Variants in TMOD1 observed in about 807,000 individuals in gnomAD.
TMOD1 encodes tropomodulin-1.
In TMOD1, 17 loss-of-function variants were observed where a neutral mutation model predicts 40.6. That is an observed-to-expected ratio of 0.42 (90% CI 0.29 to 0.63). The LOEUF is 0.63. Ranked by LOEUF, TMOD1 falls within the 20% of genes least tolerant of loss-of-function variation. TMOD1 has a pLI of 0.22. For missense variants in TMOD1, 391 were observed against 447.6 expected (o/e 0.87, Z 1.14); for synonymous variants, 181 against 175.0 (o/e 1.03, Z -0.27).
At chr9:97,504,691 G>T (rs1829563883) in intron 1 of TMOD1, among the ~76,000 whole-genome samples, 1 of 152,128 alleles carries the variant, frequency 6.6e-6, no homozygotes. Context: ...GATGGTGATG[G>T]GCTGTGAAGA....
Position 97,526,899 on chromosome 9 carries a change from T to C in TMOD1, c.120+2591T>C, listed in dbSNP as rs16921514. Reference sequence around the variant, plus strand: ...ACCCAGGTGTGATTAAGTGGCTTCATTCCAGATAACTCAGAATCCTTGCCT... The same window carrying C: ...ACCCAGGTGTGATTAAGTGGCTTCACTCCAGATAACTCAGAATCCTTGCCT... On this transcript the variant is annotated intron_variant, in intron 2 of 9. Coordinates refer to ENST00000259365, the MANE Select transcript of TMOD1 (RefSeq NM_003275.4). Among the ~76,000 whole-genome samples the C allele has an allele frequency of 9.2e-3, 1,399 of 152,290 alleles. 35 individuals are homozygous for C. The highest frequency in any genetic ancestry group is 0.032 in the African/African-American group (1,344 of 41,564).
intron 7 of TMOD1, among the ~76,000 whole-genome samples, chr9:97,567,767 G>A (rs1830754101): frequency 6.6e-6 from 1 of 152,132 alleles, no homozygotes; most frequent in African/African-American, 2.4e-5. Flanking sequence ...GCACACTGAA[G>A]TGAAGGGCAC....
At chr9:97,540,293 G>T (rs927135360) in intron 2 of TMOD1, among the ~76,000 whole-genome samples, 5 of 152,188 alleles carry the variant, frequency 3.3e-5, no homozygotes, top group African/African-American at 1.2e-4. Flanking sequence ...TTAGTTTCTG[G>T]TAAAGACTTT....
chr9:97,501,849 C>T (rs1829506920), intron 1 of TMOD1, 46 bp downstream of exon 1: 1 of 152,638 alleles, frequency 6.6e-6, no homozygotes, highest in Non-Finnish European at 1.5e-5. Flanking sequence ...TCGCGGGGCT[C>T]CCTGCCCCCG....
intron 2 of TMOD1, among the ~76,000 whole-genome samples, chr9:97,535,149 G>T (rs1830161175): frequency 6.6e-6 from 1 of 152,298 alleles, no homozygotes; most frequent in Non-Finnish European, 1.5e-5. Context: ...AGGGAAGTTG[G>T]TGAGCATCTC....
At chr9:97,565,743 C>A in intron 6 of TMOD1, 105 bp from the exon 7 acceptor site, 1 of 900,910 alleles carries the variant, frequency 1.1e-6, no homozygotes, top group Non-Finnish European at 1.7e-6. Context: ...AGCTTTTTGG[C>A]CAGAGACTTG....
At position 97,546,249 on chromosome 9, in the gene TMOD1, T is replaced by C. The variant is rs772332030; in HGVS notation, c.185T>C (p.Phe62Ser). The C allele has an allele frequency of 2.5e-6, 4 of 1,613,958 alleles. No individual in the cohort carries two copies. The Admixed American group carries it at 6.7e-5, about 27-fold the overall frequency. ...ACCACCAAGGCGCCCACGGGCCCCT[T>C]TAAAAGAGAGGAGCTCTTGGATCAC... ...DQTTKAPTGP[F>S]KREELLDHLE... The change falls in exon 3 of 10, where the codon TTT (phenylalanine) becomes TCT (serine). Residue 62 changes from phenylalanine (F) to serine (S), a missense_variant. Transcript: ENST00000259365.
Position 97,592,756 on chromosome 9 carries a change from G to A in TMOD1, c.1015+1321G>A, listed in dbSNP as rs541034616. On this transcript the variant is annotated intron_variant, in intron 9 of 9. Transcript: ENST00000259365. ...TACACACACACACACACTTTAGATCGAGTTATTAAATTCCACAAACATATA... is the reference window on the plus strand; with the variant it reads ...TACACACACACACACACTTTAGATCAAGTTATTAAATTCCACAAACATATA... Among the ~76,000 whole-genome samples the A allele has an allele frequency of 3.9e-5, 6 of 152,252 alleles. No individual in the cohort carries two copies. In the East Asian group the frequency reaches 1.2e-3, roughly 29 times the overall value.
At chr9:97,503,823 C>A (rs1176897037) in intron 1 of TMOD1, among the ~76,000 whole-genome samples, 1 of 152,176 alleles carries the variant, frequency 6.6e-6, no homozygotes, top group African/African-American at 2.4e-5. Context: ...CTCAGAGGAA[C>A]CTTGAGCAAT....
chr9:97,570,161 T>C (rs2131271102), intron 8 of TMOD1, among the ~76,000 whole-genome samples: 1 of 152,320 alleles, frequency 6.6e-6, no homozygotes, highest in East Asian at 1.9e-4. Flanking sequence ...ATAACAGGCA[T>C]GTAACCCCTG....
At chr9:97,550,196 A>G (rs1159452494) in intron 3 of TMOD1, among the ~76,000 whole-genome samples, 3 of 152,204 alleles carry the variant, frequency 2.0e-5, no homozygotes, top group Non-Finnish European at 4.4e-5. Flanking sequence ...AGACTCATCC[A>G]TGTTGTAGCA....
Position 97,573,418 on chromosome 9 carries a change from G to C in TMOD1, c.870+4381G>C, listed in dbSNP as rs533970777. ...GAAGAGAAGTTAAAGTAGATGGATTGTGCTGTCTTGTTTTCCCAGATTGGA... is the reference window on the plus strand; with the variant it reads ...GAAGAGAAGTTAAAGTAGATGGATTCTGCTGTCTTGTTTTCCCAGATTGGA... On this transcript the variant is annotated intron_variant, in intron 8 of 9. Coordinates refer to ENST00000259365, the MANE Select transcript of TMOD1 (RefSeq NM_003275.4). 3.3e-5 allele frequency among the ~76,000 whole-genome samples: 5 copies of C among 152,364 alleles called. No homozygotes were observed. The South Asian group carries it at 1.0e-3, about 32-fold the overall frequency.
rs571906473 is a variant in TMOD1 at position 97,544,788 on chromosome 9, A to C, written c.121-1397A>C. 1.7e-3 allele frequency among the ~76,000 whole-genome samples: 261 copies of C among 152,148 alleles called. 3 individuals are homozygous for C. Among genetic ancestry groups the C allele is most frequent in the African/African-American group, 5.7e-3 (235 of 41,530 alleles). The stretch of plus-strand genomic sequence containing the variant: ...TTTGGGAGGCCAAGGCAGGCAGATC[A>C]CTTGAGTTTGGGAGTTCGAGATCAG... On this transcript the variant is annotated intron_variant, in intron 2 of 9. Transcript: ENST00000259365.
intron 3 of TMOD1, among the ~76,000 whole-genome samples, chr9:97,549,291 C>T (rs1411050716): frequency 1.3e-5 from 2 of 152,182 alleles, no homozygotes; most frequent in African/African-American, 2.4e-5. Context: ...ACCCCTACAA[C>T]CTGTCTTTGT....
At chr9:97,553,474 C>T in intron 4 of TMOD1, 74 bp downstream of exon 4, 1 of 1,585,744 alleles carries the variant, frequency 6.3e-7, no homozygotes, top group Non-Finnish European at 8.6e-7. Flanking sequence ...CCTTGTAGGG[C>T]TCATTTCAGC....
At chr9:97,581,464 G>T (rs375220208) in intron 8 of TMOD1, among the ~76,000 whole-genome samples, 184 of 151,964 alleles carry the variant, frequency 1.2e-3, no homozygotes, top group African/African-American at 4.0e-3. Context: ...TACGTGTGCA[G>T]GTGTCTTTAT....
At chr9:97,560,294 C>T (rs549250322) in intron 4 of TMOD1, among the ~76,000 whole-genome samples, 80 of 152,128 alleles carry the variant, frequency 5.3e-4, no homozygotes, top group African/African-American at 1.9e-3. Flanking sequence ...CTGAGGCATA[C>T]ACCAGGTGCT....
chr9:97,529,329 G>T (rs995489613), intron 2 of TMOD1, among the ~76,000 whole-genome samples: 50 of 152,098 alleles, frequency 3.3e-4, no homozygotes, highest in African/African-American at 1.2e-3. Context: ...GGCCTAGATG[G>T]CCTTGGAAGC....
At chr9:97,524,868 A>G (rs968412323) in intron 2 of TMOD1, among the ~76,000 whole-genome samples, 64 of 88,516 alleles carry the variant, frequency 7.2e-4, no homozygotes, top group African/African-American at 2.4e-3. Context: ...CCCCACCGCC[A>G]TATCAGGGGG....
Sources: gnomAD v4.1 joint callset for allele counts (sites outside exome capture counted in the v4.1 genomes callset) on GRCh38, gnomAD v4.1.1 for gene constraint, MANE v1.5 for transcripts, NCBI Gene and HGNC (gene_info 2026-07-23, HGNC 2026-07-21) for gene names.